The following ANKFN1 variants were observed in gnomAD, a reference collection of about 807,000 sequenced individuals.
ANKFN1 encodes ankyrin repeat and fibronectin type-III domain-containing protein 1.
A neutral mutation model predicts 108.7 loss-of-function variants in ANKFN1; 74 were observed. That is an observed-to-expected ratio of 0.68 (90% CI 0.56 to 0.83). ANKFN1 has a LOEUF of 0.83. Ranked by LOEUF, ANKFN1 falls within the 40% of genes least tolerant of loss-of-function variation. The pLI, the probability that ANKFN1 is intolerant of heterozygous loss-of-function variation, is 0.00. For missense variants in ANKFN1, 1,505 were observed against 1,382.3 expected, an observed-to-expected ratio of 1.09 and a Z score of -1.41; for synonymous variants, 547 against 516.2, an observed-to-expected ratio of 1.06 and a Z score of -0.81.
chr17:56,509,258 T>C (rs570013865), intron 20 of ANKFN1, among the ~76,000 whole-genome samples: 2 of 152,322 alleles, frequency 1.3e-5, no homozygotes, highest in Non-Finnish European at 2.9e-5. Context: ...ACTTTCTCTC[T>C]TGTGTGAAAG....
chr17:56,420,078 A>G (rs914900398), intron 8 of ANKFN1, among the ~76,000 whole-genome samples: 2 of 152,192 alleles, frequency 1.3e-5, no homozygotes, highest in Non-Finnish European at 2.9e-5. Context: ...ATATACACTC[A>G]TGCCTTCATG....
intron 8 of ANKFN1, among the ~76,000 whole-genome samples, chr17:56,428,341 A>G (rs2048640043): frequency 6.7e-6 from 1 of 149,092 alleles, no homozygotes; most frequent in Admixed American, 6.8e-5. Context: ...GTTAGCTCCA[A>G]TAAACCATTG....
intron 3 of ANKFN1, among the ~76,000 whole-genome samples, chr17:56,316,793 A>C (rs2045221183): frequency 6.6e-6 from 1 of 152,104 alleles, no homozygotes; most frequent in African/African-American, 2.4e-5. Flanking sequence ...GAGTGGGGCC[A>C]CCTAGGGTAA....
chr17:56,078,742 T>A (rs539664757), intron 4 of ANKFN1, among the ~76,000 whole-genome samples: 2 of 152,272 alleles, frequency 1.3e-5, no homozygotes, highest in South Asian at 2.1e-4. Flanking sequence ...CCAAAATGTA[T>A]CTCTGGAATA....
intron 6 of ANKFN1, among the ~76,000 whole-genome samples, chr17:56,358,631 A>G (rs1172767611): frequency 1.3e-5 from 2 of 152,200 alleles, no homozygotes; most frequent in African/African-American, 2.4e-5. Flanking sequence ...CAGAAAAACA[A>G]TCAGCCATTA....
At chr17:56,338,882 A>C (rs181193432) in intron 4 of ANKFN1, among the ~76,000 whole-genome samples, 1 of 152,202 alleles carries the variant, frequency 6.6e-6, no homozygotes, top group Admixed American at 6.6e-5. Flanking sequence ...AGGAGGAGCA[A>C]TTTCTGTAAT....
At chr17:56,120,767 T>C (rs76452434) in intron 4 of ANKFN1, among the ~76,000 whole-genome samples, 84 of 152,272 alleles carry the variant, frequency 5.5e-4, no homozygotes, top group African/African-American at 1.9e-3. Flanking sequence ...GGTTTGAGTA[T>C]TACTTGCCAT....
intron 20 of ANKFN1, among the ~76,000 whole-genome samples, chr17:56,507,523 C>G (rs1256338249): frequency 6.6e-6 from 1 of 152,144 alleles, no homozygotes; most frequent in Non-Finnish European, 1.5e-5. Context: ...TCTCCACACT[C>G]ACAAATACCT....
intron 4 of ANKFN1, among the ~76,000 whole-genome samples, chr17:56,119,043 G>T (rs1906445974): frequency 6.6e-6 from 1 of 152,038 alleles, no homozygotes; most frequent in Admixed American, 6.6e-5. Context: ...AAAAAAATAT[G>T]ATTTCTATTT....
chr17:56,195,240 C>G (rs1913402335), intron 1 of ANKFN1: 1 of 152,160 alleles, frequency 6.6e-6, no homozygotes, highest in Non-Finnish European at 1.5e-5. Context: ...GCACACAATA[C>G]AAATAGAACA....
chr17:56,077,663 T>C (rs2143155242), intron 4 of ANKFN1, among the ~76,000 whole-genome samples: 1 of 152,344 alleles, frequency 6.6e-6, no homozygotes, highest in African/African-American at 2.4e-5. Flanking sequence ...CTTTGACAAG[T>C]AACTCAAGTG....
At chr17:56,425,997 G>A (rs1420862535) in intron 8 of ANKFN1, among the ~76,000 whole-genome samples, 1 of 152,072 alleles carries the variant, frequency 6.6e-6, no homozygotes. Context: ...ATTTAAAGTT[G>A]GATTTGATTT....
chr17:56,180,057 A>G (rs561383237), intron 1 of ANKFN1, among the ~76,000 whole-genome samples: 1 of 152,314 alleles, frequency 6.6e-6, no homozygotes, highest in East Asian at 1.9e-4. Flanking sequence ...TTCACAGAGG[A>G]AGAAGTGATT....
At chr17:56,235,204 T>C (rs1917035527) in intron 3 of ANKFN1, among the ~76,000 whole-genome samples, 1 of 152,164 alleles carries the variant, frequency 6.6e-6, no homozygotes, top group Non-Finnish European at 1.5e-5. Context: ...TTGTTGTTGT[T>C]GTTGTTTCTT....
At chr17:56,238,536 G>A (rs1385663214) in intron 3 of ANKFN1, among the ~76,000 whole-genome samples, 1 of 152,052 alleles carries the variant, frequency 6.6e-6, no homozygotes, top group East Asian at 1.9e-4. Flanking sequence ...ATTATGTAAT[G>A]CCCTTCTTTG....
intron 8 of ANKFN1, among the ~76,000 whole-genome samples, chr17:56,380,438 A>G (rs1237428959): frequency 6.6e-6 from 1 of 152,218 alleles, no homozygotes; most frequent in African/African-American, 2.4e-5. Context: ...TGGGCGCAGG[A>G]CAGTGGGTGC....
chr17:56,101,085 G>C (rs1291863223), intron 4 of ANKFN1, among the ~76,000 whole-genome samples: 1 of 152,094 alleles, frequency 6.6e-6, no homozygotes, highest in Non-Finnish European at 1.5e-5. Flanking sequence ...TGGATACAAT[G>C]AGACAATGGC....
At chr17:56,368,164 G>T (rs1251783238) in intron 6 of ANKFN1, 4 of 1,339,952 alleles carry the variant, frequency 3.0e-6, no homozygotes, top group African/African-American at 3.0e-5. Flanking sequence ...GACTGATCCA[G>T]AGAATGAACC....
intron 17 of ANKFN1, 119 bp from the exon 18 acceptor site, chr17:56,482,236 TA>T (rs1277040525): frequency 2.2e-6 from 2 of 907,248 alleles, no homozygotes; most frequent in African/African-American, 3.3e-5. Flanking sequence ...TTATGTTGTA[TA>T]AAAATTCCAA....
Sources: gnomAD v4.1 joint callset for allele counts (sites outside exome capture counted in the v4.1 genomes callset) on GRCh38, gnomAD v4.1.1 for gene constraint, MANE v1.5 for transcripts, NCBI Gene and HGNC (gene_info 2026-07-23, HGNC 2026-07-21) for gene names.